Variants in PHF20L1 observed in about 807,000 individuals in gnomAD.
PHF20L1 encodes the protein PHD finger protein 20 like 1.
Under a neutral mutation model 125.5 loss-of-function variants are expected in PHF20L1, and 44 were observed. The observed-to-expected ratio is 0.35, with a 90% CI of 0.28 to 0.45. PHF20L1 has a LOEUF of 0.45. PHF20L1 is among the 20% of genes least tolerant of loss of function. The probability of loss-of-function intolerance (pLI) is 1.00; values close to 1 mark genes in which losing one functional copy is unlikely to be tolerated. For synonymous variants in PHF20L1, 380 were observed against 403.1 expected, an observed-to-expected ratio of 0.94 and a Z score of 0.69; for missense variants, 1,012 against 1,217.2, an observed-to-expected ratio of 0.83 and a Z score of 2.51.
intron 9 of PHF20L1, chr8:132,812,134 A>G (rs1349392268): frequency 2.0e-5 from 20 of 979,636 alleles, no homozygotes; most frequent in Non-Finnish European, 2.4e-5. Flanking sequence ...TGATCATCCA[A>G]CGGTTAAGTC....
At chr8:132,831,268 T>G (rs954092024) in intron 14 of PHF20L1, among the ~76,000 whole-genome samples, 2 of 152,080 alleles carry the variant, frequency 1.3e-5, no homozygotes, top group Admixed American at 6.6e-5. Context: ...TGTTTCTCCC[T>G]TATTCACTGT....
intron 1 of PHF20L1, among the ~76,000 whole-genome samples, 192 bp from the exon 2 acceptor site, chr8:132,777,600 C>T (rs1323451394): frequency 6.6e-6 from 1 of 152,162 alleles, no homozygotes; most frequent in Non-Finnish European, 1.5e-5. Flanking sequence ...TCAAGATTGC[C>T]TGCAGATTGC....
chr8:132,832,773 ACC>A (rs1208283989), intron 15 of PHF20L1, among the ~76,000 whole-genome samples: 3 of 152,112 alleles, frequency 2.0e-5, no homozygotes, highest in Non-Finnish European at 4.4e-5. Context: ...TAAAACTCTA[ACC>A]AAGGTCTGTC....
chr8:132,843,139 G>A, intron 19 of PHF20L1: 1 of 1,117,694 alleles, frequency 8.9e-7, no homozygotes, highest in Non-Finnish European at 1.1e-6. Flanking sequence ...ACATTTCGAT[G>A]CTTCTAAAAA....
intron 4 of PHF20L1, among the ~76,000 whole-genome samples, chr8:132,795,908 A>G (rs1034338499): frequency 5.9e-5 from 9 of 151,908 alleles, no homozygotes; most frequent in Admixed American, 5.3e-4. Flanking sequence ...CTCTCTCTCA[A>G]TCTCTCTTGT....
In PHF20L1 at chr8:132,794,545, A is replaced by G. The variant is rs530645102; in HGVS notation, c.219A>G (p.Leu73=). The part of the protein sequence containing the change: ...NRLRPLERPA[L]RKEGLKDEED... ...TGCGACCCCTTGAGAGACCAGCACT[A>G]AGAAAAGAAGGGCTAAAAGATGAGG... Residue 73 remains leucine, a synonymous_variant, in exon 3 of 21, where the codon CTA becomes CTG. Coordinates refer to ENST00000395386, the MANE Select transcript of PHF20L1 (RefSeq NM_016018.5). 1 of 1,611,696 alleles carries G rather than the reference A, an allele frequency of 6.2e-7. No individual in the cohort carries two copies. Among genetic ancestry groups the G allele is most frequent in the Non-Finnish European group, 8.5e-7 (1 of 1,178,780 alleles).
chr8:132,837,193 CATA>C (rs1837456087), intron 16 of PHF20L1, among the ~76,000 whole-genome samples: 1 of 152,022 alleles, frequency 6.6e-6, no homozygotes, highest in South Asian at 2.1e-4. Context: ...AAAAGGAAAG[CATA>C]ACCCAAATTT....
intron 14 of PHF20L1, among the ~76,000 whole-genome samples, chr8:132,829,124 G>A (rs1414867985): frequency 1.3e-5 from 2 of 152,030 alleles, no homozygotes; most frequent in Non-Finnish European, 2.9e-5. Context: ...ACAGGGTGCG[G>A]AATGCCAAGT....
intron 14 of PHF20L1, chr8:132,826,314 A>T (rs116994315): frequency 6.6e-6 from 1 of 152,236 alleles, no homozygotes; most frequent in East Asian, 1.9e-4. Context: ...GCTGCTGAGG[A>T]AATGAAGGCA....
intron 14 of PHF20L1, 107 bp from the exon 15 acceptor site, chr8:132,832,128 G>A: frequency 1.4e-6 from 1 of 733,352 alleles, no homozygotes; most frequent in Non-Finnish European, 2.3e-6. Context: ...AGCGAAAGTG[G>A]TAGCATGATT....
Position 132,842,857 on chromosome 8 carries a change from A to C in PHF20L1, c.2730A>C (p.Glu910Asp). The C allele has an allele frequency of 6.2e-7, 1 of 1,607,350 alleles. No homozygotes were observed. Among genetic ancestry groups the C allele is most frequent in the African/African-American group, 1.3e-5 (1 of 74,670 alleles). The part of the protein sequence containing the change: ...SKNSLQYSAK[E>D]HGMPEKNPAE... ...ACAGTTTACAGTACTCAGCAAAAGA[A>C]CATGGAATGCCTGAAAAGGTAAAAC... Residue 910 changes from glutamate to aspartate, a missense_variant, in exon 19 of 21, where the codon GAA becomes GAC. By Grantham distance (45) the Glu-to-Asp change is conservative. Coordinates refer to ENST00000395386, the MANE Select transcript of PHF20L1 (RefSeq NM_016018.5).
Position 132,816,937 on chromosome 8 carries a change from G to A in PHF20L1, c.1233G>A (p.Arg411=), listed in dbSNP as rs1332932974. 1 of 1,612,324 alleles carries A rather than the reference G, an allele frequency of 6.2e-7. No homozygotes were observed. The highest frequency in any genetic ancestry group is 1.7e-5 in the Admixed American group (1 of 59,868). ...NPPRPFKHSE[R]RRRSQRLATL... ...CTAGACCTTTCAAGCATAGTGAGCG[G>A]AGAAGAAGATCTCAGCGTTTAGCCA... The change falls in exon 11 of 21, where the codon CGG becomes CGA. Residue 411 remains arginine (R), a synonymous_variant. Coordinates refer to ENST00000395386, the MANE Select transcript of PHF20L1 (RefSeq NM_016018.5).
chr8:132,807,691 C>A (rs1039652853), intron 8 of PHF20L1: 4 of 454,474 alleles, frequency 8.8e-6, no homozygotes, highest in African/African-American at 4.0e-5. Flanking sequence ...CCAGGGAGCT[C>A]TGGGCTCTGT....
intron 12 of PHF20L1, chr8:132,817,838 G>A: frequency 4.0e-6 from 1 of 249,256 alleles, no homozygotes; most frequent in Non-Finnish European, 7.7e-6. Context: ...TAAATTATTA[G>A]AGCCAAGTAT....
chr8:132,799,244 T>C, intron 6 of PHF20L1, 72 bp downstream of exon 6: 1 of 813,154 alleles, frequency 1.2e-6, no homozygotes, highest in South Asian at 1.8e-5. Flanking sequence ...AGTTAAAAAT[T>C]TTTAATATAA....
chr8:132,800,139 T>G (rs1017908144), intron 6 of PHF20L1, among the ~76,000 whole-genome samples: 1 of 151,638 alleles, frequency 6.6e-6, no homozygotes, highest in African/African-American at 2.4e-5. Flanking sequence ...AAACTTTGTT[T>G]TTTCAAAGTG....
intron 9 of PHF20L1, chr8:132,812,999 T>G (rs904155441): frequency 4.2e-6 from 4 of 943,020 alleles, no homozygotes; most frequent in Non-Finnish European, 5.1e-6. Context: ...TGGATAAAAC[T>G]TGCATTAGAT....
At chr8:132,843,606 TG>T (rs1185289009) in intron 19 of PHF20L1, 33 of 319,712 alleles carry the variant, frequency 1.0e-4, no homozygotes, top group Non-Finnish European at 1.1e-4. Context: ...AAACGCACAT[TG>T]TGTGTGTGTG....
At chr8:132,802,511 A>G (rs974947158) in intron 6 of PHF20L1, among the ~76,000 whole-genome samples, 1 of 151,756 alleles carries the variant, frequency 6.6e-6, no homozygotes, top group East Asian at 1.9e-4. Flanking sequence ...CGCAGCTTAT[A>G]GCTAATTGTA....
Sources: gnomAD v4.1 joint callset for allele counts (sites outside exome capture counted in the v4.1 genomes callset) on GRCh38, gnomAD v4.1.1 for gene constraint, MANE v1.5 for transcripts, NCBI Gene and HGNC (gene_info 2026-07-23, HGNC 2026-07-21) for gene names.